Variants in SIPA1L2 observed in about 807,000 individuals in gnomAD.
SIPA1L2 encodes the protein signal-induced proliferation-associated 1-like protein 2.
SIPA1L2 carries 56 observed loss-of-function variants against 163.9 expected under a neutral mutation model. The ratio of observed to expected loss-of-function variants is 0.34; its 90% CI spans 0.28 to 0.43. The LOEUF (loss-of-function observed/expected upper bound fraction) is 0.43. Ranked by LOEUF, SIPA1L2 falls within the 20% of genes least tolerant of loss-of-function variation. The pLI, the probability that SIPA1L2 is intolerant of heterozygous loss-of-function variation, is 1.00. For synonymous variants in SIPA1L2, 877 were observed against 865.7 expected (o/e 1.01, Z -0.23); for missense variants, 1,974 against 2,193.5 (o/e 0.90, Z 2.00).
At chr1:232,403,325 A>C in intron 21 of SIPA1L2, 123 bp downstream of exon 21, 1 of 1,274,460 alleles carries the variant, frequency 7.8e-7, no homozygotes, top group Non-Finnish European at 1.1e-6. Flanking sequence ...TGGATTCTTC[A>C]GGACTGGGAA....
At chr1:232,626,807 C>T (rs1045362533) in intron 1 of SIPA1L2, among the ~76,000 whole-genome samples, 6 of 152,090 alleles carry the variant, frequency 3.9e-5, no homozygotes, top group African/African-American at 7.2e-5. Flanking sequence ...CTAATGCGTT[C>T]GTCTTAAACC....
chr1:232,587,630 T>C (rs1243848800), intron 1 of SIPA1L2, among the ~76,000 whole-genome samples: 1 of 152,184 alleles, frequency 6.6e-6, no homozygotes, highest in Non-Finnish European at 1.5e-5. Flanking sequence ...CTAGCTGTCA[T>C]CTTACCACAT....
intron 8 of SIPA1L2, among the ~76,000 whole-genome samples, chr1:232,467,039 A>T (rs994572949): frequency 2.0e-5 from 3 of 152,240 alleles, no homozygotes; most frequent in Non-Finnish European, 2.9e-5. Flanking sequence ...GAATAAAAAC[A>T]TTCCATCCAA....
Position 232,471,518 on chromosome 1 carries a change from T to C in SIPA1L2, c.2096A>G (p.Lys699Arg). ...MPNNRQQLLR[K>R]RHIGNDIVTI... ...GACGATGTCATTTCCTATGTGCCTT[T>C]TCCTCAGTAGCTGTGGTCAAGAAAG... Residue 699 changes from lysine to arginine, a missense_variant, in exon 8 of 23, where the codon AAA (lysine) becomes AGA (arginine). Around this residue, in one of 3 missense-constraint regions of SIPA1L2, gnomAD observed 288 missense variants for 418.9 expected, o/e 0.69. Coordinates refer to ENST00000674635, the MANE Select transcript of SIPA1L2 (RefSeq NM_020808.5). 1 of 1,612,956 alleles carries C rather than the reference T, an allele frequency of 6.2e-7. No homozygotes were observed.
chr1:232,484,114 T>G, intron 5 of SIPA1L2, 148 bp from the exon 6 acceptor site: 1 of 677,354 alleles, frequency 1.5e-6, no homozygotes, highest in Non-Finnish European at 2.4e-6. Flanking sequence ...AGTAGGCAAC[T>G]GCCACTGTGA....
At chr1:232,535,372 C>A (rs1657239235) in intron 2 of SIPA1L2, among the ~76,000 whole-genome samples, 1 of 152,066 alleles carries the variant, frequency 6.6e-6, no homozygotes, top group African/African-American at 2.4e-5. Flanking sequence ...TCTCTATTTT[C>A]ACATGTTCCT....
intron 1 of SIPA1L2, among the ~76,000 whole-genome samples, chr1:232,628,456 A>C (rs1436100464): frequency 1.3e-5 from 2 of 152,246 alleles, no homozygotes; most frequent in African/African-American, 4.8e-5. Context: ...TTTTAACTGG[A>C]AATATTGTCT....
chr1:232,576,610 A>C (rs1660091977), intron 1 of SIPA1L2, among the ~76,000 whole-genome samples: 1 of 152,236 alleles, frequency 6.6e-6, no homozygotes, highest in East Asian at 1.9e-4. Flanking sequence ...ACTTTAAATA[A>C]AAAACCAGAA....
In SIPA1L2 at chr1:232,471,406, T is replaced by C; in HGVS notation, c.2208A>G (p.Lys736=). 1.2e-6 allele frequency: 2 copies of C among 1,614,088 alleles called. No individual in the cohort carries two copies. Among genetic ancestry groups the C allele is most frequent in the South Asian group, 2.2e-5 (2 of 91,068 alleles). Residue 736 remains lysine (K), a synonymous_variant, in exon 8 of 23, where the codon AAA becomes AAG. Transcript: ENST00000674635. ...CATTTTCGGTACATGGATTATGCAC[T>C]TTGACTATGACAAAGACATGCTGAA... The part of the protein sequence containing the change: ...SHFQHVFVIV[K]VHNPCTENVC...
At position 232,445,540 on chromosome 1, in the gene SIPA1L2, G is replaced by A. The variant is rs376229486; in HGVS notation, c.3342C>T (p.Pro1114=). 59 of 1,613,668 alleles carry A rather than the reference G, an allele frequency of 3.7e-5. No individual in the cohort carries two copies. In the South Asian group the frequency reaches 4.7e-4, roughly 13 times the overall value. ...PRSTSFDRKL[P]DGTRSSPSNQ... ...GGAACCAGCATTACCTCGTGCCATC[G>A]GGCAGCTTCCGGTCGAAGGAGGTGC... The change falls in exon 11 of 23, where the codon CCC becomes CCT. Residue 1114 remains proline (P), a synonymous_variant. Coordinates refer to ENST00000674635, the MANE Select transcript of SIPA1L2 (RefSeq NM_020808.5).
At chr1:232,533,072 C>G (rs972668217) in intron 2 of SIPA1L2, among the ~76,000 whole-genome samples, 2 of 152,188 alleles carry the variant, frequency 1.3e-5, no homozygotes, top group African/African-American at 2.4e-5. Flanking sequence ...AAAGGCCCGT[C>G]TGTGGACCAG....
intron 1 of SIPA1L2, among the ~76,000 whole-genome samples, chr1:232,590,425 A>G (rs538405690): frequency 1.5e-4 from 23 of 152,278 alleles, no homozygotes; most frequent in Non-Finnish European, 2.9e-4. Flanking sequence ...TGAAGGAGAA[A>G]TAAGAAATTT....
intron 19 of SIPA1L2, among the ~76,000 whole-genome samples, chr1:232,405,367 T>C (rs1660576743): frequency 6.6e-6 from 1 of 152,254 alleles, no homozygotes; most frequent in Non-Finnish European, 1.5e-5. Flanking sequence ...ATAAACATTC[T>C]ATAACTATAC....
intron 22 of SIPA1L2, among the ~76,000 whole-genome samples, chr1:232,400,475 C>G (rs1241758975): frequency 5.3e-5 from 8 of 152,150 alleles, no homozygotes; most frequent in African/African-American, 1.9e-4. Context: ...GGAGACCGTC[C>G]CCAGCAGCTC....
intron 15 of SIPA1L2, among the ~76,000 whole-genome samples, chr1:232,438,125 G>A (rs1360132428): frequency 6.6e-6 from 1 of 152,088 alleles, no homozygotes; most frequent in Admixed American, 6.5e-5. Context: ...GGGTGAGGGG[G>A]GACTTTGAAG....
Position 232,495,701 on chromosome 1 carries a change from C to T in SIPA1L2, c.1484-2041G>A, listed in dbSNP as rs149051331. On this transcript the variant is annotated intron_variant, in intron 3 of 22. Transcript: ENST00000674635. Reference sequence around the variant, plus strand: ...TGCATAATGCTGCTTTGGTCAGCGACGCAACACATATACCAATGGTGGTCC... The same window carrying T: ...TGCATAATGCTGCTTTGGTCAGCGATGCAACACATATACCAATGGTGGTCC... 2.4e-4 allele frequency among the ~76,000 whole-genome samples: 36 copies of T among 152,106 alleles called. No individual in the cohort carries two copies. The East Asian group carries it at 5.0e-3, about 21-fold the overall frequency.
intron 2 of SIPA1L2, among the ~76,000 whole-genome samples, chr1:232,540,878 T>C (rs1657616393): frequency 6.6e-6 from 1 of 152,222 alleles, no homozygotes; most frequent in Non-Finnish European, 1.5e-5. Flanking sequence ...TCACTGTGTG[T>C]TGTTTGTTAT....
chr1:232,445,678 C>G lies in SIPA1L2; in HGVS notation c.3204G>C (p.Arg1068=). 1 of 1,613,346 alleles carries G rather than the reference C, an allele frequency of 6.2e-7. No homozygotes were observed. ...TPFRRNTTWH[R]VPTPALQPLS... Reference sequence around the variant, plus strand: ...GGGGCTGCAGGGCAGGAGTGGGCACCCGGTGCCACGTGGTGTTCCTCCTGA... The same window carrying G: ...GGGGCTGCAGGGCAGGAGTGGGCACGCGGTGCCACGTGGTGTTCCTCCTGA... The change falls in exon 11 of 23, where the codon CGG becomes CGC. Residue 1068 remains arginine (R), a synonymous_variant. Transcript: ENST00000674635.
intron 18 of SIPA1L2, 50 bp downstream of exon 18, chr1:232,425,539 G>A (rs1401479503): frequency 4.9e-6 from 7 of 1,440,166 alleles, no homozygotes; most frequent in East Asian, 2.5e-5. Flanking sequence ...GGAGTTGTGC[G>A]ATCAGCCCAC....
Sources: allele counts gnomAD v4.1 joint callset (sites outside exome capture counted in the v4.1 genomes callset), GRCh38; gene constraint gnomAD v4.1.1; regional missense constraint gnomAD v4.1.1; transcripts MANE v1.5; gene names NCBI Gene and HGNC (gene_info 2026-07-23, HGNC 2026-07-21).